The following SCN3A variants were observed in gnomAD, a reference collection of about 807,000 sequenced individuals.
The protein encoded by SCN3A is sodium channel protein type 3 subunit alpha.
In SCN3A, 60 loss-of-function variants were observed where a neutral mutation model predicts 187.6. The observed-to-expected ratio is 0.32, with a 90% CI of 0.26 to 0.40. The LOEUF is 0.40. SCN3A is among the 10% of genes least tolerant of loss of function. The probability of loss-of-function intolerance (pLI) is 1.00; values close to 1 mark genes in which losing one functional copy is unlikely to be tolerated. For missense variants in SCN3A, 1,601 were observed against 2,428.2 expected (o/e 0.66, Z 7.16); for synonymous variants, 788 against 829.2 (o/e 0.95, Z 0.85).
At chr2:165,145,909 T>C (rs1319983556) in intron 12 of SCN3A, among the ~76,000 whole-genome samples, 1 of 152,148 alleles carries the variant, frequency 6.6e-6, no homozygotes, top group Non-Finnish European at 1.5e-5. Flanking sequence ...ACAGATTTTG[T>C]AACTAATTAT....
intron 1 of SCN3A, among the ~76,000 whole-genome samples, chr2:165,192,682 G>A (rs776193993): frequency 9.2e-5 from 14 of 152,024 alleles, no homozygotes; most frequent in African/African-American, 1.7e-4. Context: ...AAATGTTCAC[G>A]CTGTCTGAAA....
At chr2:165,132,119 T>G (rs1446296949) in intron 15 of SCN3A, among the ~76,000 whole-genome samples, 1 of 151,940 alleles carries the variant, frequency 6.6e-6, no homozygotes, top group African/African-American at 2.4e-5. Flanking sequence ...CACTGCTCAA[T>G]GAAATAAAAG....
chr2:165,142,723 G>GTGTTGTTGTTGT (rs4001045), intron 12 of SCN3A, among the ~76,000 whole-genome samples: 3,237 of 148,802 alleles, frequency 0.022, 59 homozygotes, highest in Non-Finnish European at 0.031. Context: ...TCCAGAACTC[G>GTGTTGTTGTTGT]TGTTGTTGTT....
At chr2:165,146,577 T>C (rs2105832501) in intron 12 of SCN3A, among the ~76,000 whole-genome samples, 162 bp downstream of exon 12, 1 of 151,542 alleles carries the variant, frequency 6.6e-6, no homozygotes, top group Admixed American at 6.6e-5. Context: ...TAAAAATCCC[T>C]TTGAAGACAA....
intron 1 of SCN3A, among the ~76,000 whole-genome samples, chr2:165,199,700 G>A (rs1692197442): frequency 6.6e-6 from 1 of 151,930 alleles, no homozygotes; most frequent in South Asian, 2.1e-4. Flanking sequence ...TTCTGATGTA[G>A]ATTCAGATTT....
At chr2:165,154,770 T>C in intron 10 of SCN3A, 112 bp from the exon 11 acceptor site, 1 of 1,072,718 alleles carries the variant, frequency 9.3e-7, no homozygotes, top group Non-Finnish European at 1.4e-6. Context: ...TAGTATCCAG[T>C]TTATTTTCAC....
intron 12 of SCN3A, among the ~76,000 whole-genome samples, chr2:165,145,914 A>G (rs1223382638): frequency 6.6e-6 from 1 of 152,146 alleles, no homozygotes; most frequent in Non-Finnish European, 1.5e-5. Flanking sequence ...TTTTGTAACT[A>G]ATTATTCTTT....
intron 15 of SCN3A, among the ~76,000 whole-genome samples, chr2:165,136,887 A>C (rs995817108): frequency 6.6e-6 from 1 of 152,152 alleles, no homozygotes; most frequent in African/African-American, 2.4e-5. Context: ...TTCTGTTGGC[A>C]ATTGCTCCTT....
chr2:165,195,588 C>A (rs916739063), intron 1 of SCN3A: 3 of 152,080 alleles, frequency 2.0e-5, no homozygotes, highest in East Asian at 1.9e-4. Context: ...AAGTGTGAAA[C>A]TTCCCAAATT....
intron 12 of SCN3A, among the ~76,000 whole-genome samples, chr2:165,141,943 T>C (rs1451205814): frequency 6.6e-6 from 1 of 152,222 alleles, no homozygotes; most frequent in Non-Finnish European, 1.5e-5. Flanking sequence ...TACCAGAAAA[T>C]GAGGATTTAG....
At chr2:165,128,946 A>G (rs554148047) in intron 17 of SCN3A, among the ~76,000 whole-genome samples, 17 of 152,206 alleles carry the variant, frequency 1.1e-4, no homozygotes, top group Non-Finnish European at 1.9e-4. Flanking sequence ...AAAATTTATA[A>G]TAATATTTTT....
chr2:165,087,816 G>A lies in SCN3A; in HGVS notation c.*2334C>T, dbSNP rs910028415. 5.7e-4 allele frequency: 87 copies of A among 152,142 alleles called. No homozygotes were observed. Among genetic ancestry groups the A allele is most frequent in the African/African-American group, 2.0e-3 (84 of 41,432 alleles). 9.4% of individuals were successfully genotyped at this position (152,142 alleles called of 1,614,324 possible). On this transcript the variant is annotated 3_prime_UTR_variant, in exon 28 of 28. Transcript: ENST00000283254. ...GGAGATAGCATCAATTATATTGAAAGAAGATGAGTTTAGATGCTTATAGCC... is the reference window on the plus strand; with the variant it reads ...GGAGATAGCATCAATTATATTGAAAAAAGATGAGTTTAGATGCTTATAGCC...
At chr2:165,122,240 T>TG (rs1444570838) in intron 18 of SCN3A, among the ~76,000 whole-genome samples, 1 of 51,574 alleles carries the variant, frequency 1.9e-5, no homozygotes, top group African/African-American at 8.8e-5. Flanking sequence ...CTTTTTTTTC[T>TG]TTTTTTTTTT....
chr2:165,121,310 G>A (rs1686664316), intron 18 of SCN3A, among the ~76,000 whole-genome samples: 1 of 152,138 alleles, frequency 6.6e-6, no homozygotes, highest in East Asian at 1.9e-4. Context: ...CATGTGCTCC[G>A]GACCTTAGTC....
intron 1 of SCN3A, 88 bp from the exon 2 acceptor site, chr2:165,186,835 C>CTT: frequency 1.4e-5 from 2 of 147,640 alleles, no homozygotes; most frequent in Non-Finnish European, 3.0e-5. Context: ...GGTTTTATTC[C>CTT]TTTTTTTTTT....
intron 18 of SCN3A, among the ~76,000 whole-genome samples, chr2:165,125,403 A>G (rs918085893): frequency 6.6e-6 from 1 of 151,908 alleles, no homozygotes; most frequent in African/African-American, 2.4e-5. Context: ...TACCGGGTTC[A>G]CACCATTCTC....
At chr2:165,151,485 A>G (rs1387163338) in intron 11 of SCN3A, among the ~76,000 whole-genome samples, 1 of 152,196 alleles carries the variant, frequency 6.6e-6, no homozygotes, top group Non-Finnish European at 1.5e-5. Context: ...AATAAAACAG[A>G]CAAAATACAT....
intron 11 of SCN3A, among the ~76,000 whole-genome samples, chr2:165,152,079 A>T (rs1688717190): frequency 6.6e-6 from 1 of 152,182 alleles, no homozygotes; most frequent in Non-Finnish European, 1.5e-5. Context: ...AAGATCAATA[A>T]TTTTTATGGG....
At chr2:165,177,535 G>T (rs1375672575) in intron 2 of SCN3A, among the ~76,000 whole-genome samples, 3 of 152,002 alleles carry the variant, frequency 2.0e-5, no homozygotes, top group Admixed American at 1.3e-4. Context: ...ATGGTTTCAG[G>T]CATCCTCACA....
Sources: allele counts gnomAD v4.1 joint callset (sites outside exome capture counted in the v4.1 genomes callset), GRCh38; gene constraint gnomAD v4.1.1; transcripts MANE v1.5; gene names NCBI Gene and HGNC (gene_info 2026-07-23, HGNC 2026-07-21).